The following MTUS2 variants were observed in gnomAD, a reference collection of about 807,000 sequenced individuals.
MTUS2 encodes the protein microtubule associated scaffold protein 2, also known as microtubule-associated tumor suppressor candidate 2.
MTUS2 carries 40 observed loss-of-function variants against 114.1 expected under a neutral mutation model. That is an observed-to-expected ratio of 0.35 (90% CI 0.27 to 0.46). The LOEUF (loss-of-function observed/expected upper bound fraction) is 0.46. MTUS2 is among the 20% of genes least tolerant of loss of function. MTUS2 has a pLI of 1.00. For missense variants in MTUS2, 1,679 were observed against 1,705.4 expected (o/e 0.98, Z 0.27); for synonymous variants, 688 against 672.0 (o/e 1.02, Z -0.37).
chr13:29,316,478 C>T (rs574991384), intron 6 of MTUS2, among the ~76,000 whole-genome samples: 7 of 152,134 alleles, frequency 4.6e-5, no homozygotes, highest in Admixed American at 6.5e-5. Flanking sequence ...TCTTAGTCAC[C>T]GCCTTCCTGC....
chr13:29,187,520 A>G (rs1349361866), intron 5 of MTUS2, among the ~76,000 whole-genome samples: 1 of 152,182 alleles, frequency 6.6e-6, no homozygotes, highest in Admixed American at 6.5e-5. Flanking sequence ...CTAGGAAGAA[A>G]ACTGTTTTGA....
chr13:28,985,930 C>T (rs966644361), intron 2 of MTUS2, among the ~76,000 whole-genome samples: 11 of 152,128 alleles, frequency 7.2e-5, no homozygotes, highest in African/African-American at 2.7e-4. Context: ...GATGGCCCAC[C>T]CTGCAGCTTT....
chr13:28,988,895 G>A (rs1053729400), intron 2 of MTUS2, among the ~76,000 whole-genome samples: 1 of 152,118 alleles, frequency 6.6e-6, no homozygotes, highest in Non-Finnish European at 1.5e-5. Context: ...AGTGATGTAA[G>A]CTCATGTCTA....
rs532115395 is a variant in MTUS2 at position 29,291,228 on chromosome 13, C to T, written c.2806+9363C>T. Among the ~76,000 whole-genome samples the T allele has an allele frequency of 6.6e-5, 10 of 152,218 alleles. No homozygotes were observed. In the South Asian group the frequency reaches 1.5e-3, roughly 22 times the overall value. ...CCCCAGCGCACCTCTCTCCTAGTTTCGTCTCTCCACTGTTGTTAACCCTGT... is the reference window on the plus strand; with the variant it reads ...CCCCAGCGCACCTCTCTCCTAGTTTTGTCTCTCCACTGTTGTTAACCCTGT... On this transcript the variant is annotated intron_variant, in intron 6 of 15. Transcript: ENST00000612955.
intron 3 of MTUS2, among the ~76,000 whole-genome samples, chr13:29,027,951 G>C (rs1386947694): frequency 6.6e-6 from 1 of 152,228 alleles, no homozygotes; most frequent in Non-Finnish European, 1.5e-5. Context: ...TGCAGTTTCA[G>C]ACTGCACTGT....
At chr13:29,198,741 A>G (rs1407676030) in intron 5 of MTUS2, among the ~76,000 whole-genome samples, 4 of 151,840 alleles carry the variant, frequency 2.6e-5, no homozygotes, top group African/African-American at 9.7e-5. Flanking sequence ...CTCTCATTTC[A>G]TTGAGCAGTG....
chr13:29,130,570 C>T (rs1256305619), intron 5 of MTUS2, among the ~76,000 whole-genome samples: 1 of 152,174 alleles, frequency 6.6e-6, no homozygotes, highest in Non-Finnish European at 1.5e-5. Flanking sequence ...TTGCACTTTT[C>T]ACCTCTAGCA....
At chr13:28,974,563 A>G (rs1282339851) in intron 2 of MTUS2, among the ~76,000 whole-genome samples, 2 of 152,134 alleles carry the variant, frequency 1.3e-5, no homozygotes, top group African/African-American at 2.4e-5. Context: ...TCTGAATAAT[A>G]CTCATTTGTC....
chr13:28,829,790 C>G (rs750184701), intron 1 of MTUS2, among the ~76,000 whole-genome samples: 1 of 152,180 alleles, frequency 6.6e-6, no homozygotes, highest in Non-Finnish European at 1.5e-5. Context: ...AACCAAAAAA[C>G]TTAAAAGGAA....
chr13:29,103,105 A>G (rs924153810), intron 5 of MTUS2, among the ~76,000 whole-genome samples: 2 of 152,122 alleles, frequency 1.3e-5, no homozygotes, highest in Non-Finnish European at 2.9e-5. Flanking sequence ...TTATTTTCAC[A>G]TAGGATTCAT....
chr13:28,828,684 C>T (rs190545008), intron 1 of MTUS2, among the ~76,000 whole-genome samples: 150 of 152,236 alleles, frequency 9.9e-4, no homozygotes, highest in African/African-American at 3.5e-3. Context: ...GCTAGTTGAG[C>T]ACTTGCCTCA....
intron 2 of MTUS2, among the ~76,000 whole-genome samples, chr13:28,991,704 A>G (rs982352034): frequency 2.6e-5 from 4 of 152,070 alleles, no homozygotes; most frequent in African/African-American, 7.2e-5. Context: ...TTTAATTTAG[A>G]CTGTGAGCCT....
intron 5 of MTUS2, among the ~76,000 whole-genome samples, chr13:29,171,966 G>T (rs77414424): frequency 0.013 from 1,934 of 152,280 alleles, 39 homozygotes; most frequent in African/African-American, 0.044. Context: ...CCATCTAGCC[G>T]CAGGGAAGGC....
In MTUS2 at chr13:29,327,354, C is replaced by A. The variant is rs567798839; in HGVS notation, c.2905+2643C>A. 1.1e-4 allele frequency among the ~76,000 whole-genome samples: 16 copies of A among 152,248 alleles called. No homozygotes were observed. The East Asian group carries it at 2.1e-3, about 20-fold the overall frequency. On this transcript the variant is annotated intron_variant, in intron 7 of 15. Transcript: ENST00000612955. ...GCAAGATAACACACATGTCCACCAACCTTCCAAGTTTCCTGGGACCCCTTT... is the reference window on the plus strand; with the variant it reads ...GCAAGATAACACACATGTCCACCAAACTTCCAAGTTTCCTGGGACCCCTTT...
chr13:29,366,505 C>T (rs886837735), intron 8 of MTUS2, among the ~76,000 whole-genome samples: 9 of 152,080 alleles, frequency 5.9e-5, no homozygotes, highest in East Asian at 1.9e-4. Context: ...AATCATCGCC[C>T]GCTAGCTCAG....
In MTUS2 at chr13:28,952,011, T is replaced by C. The variant is rs1165503283; in HGVS notation, c.-242-72446T>C. The stretch of plus-strand genomic sequence containing the variant: ...AGCATGCCCGCATAACCCATCTTTG[T>C]GTGGAAGTGCACCAGTGGCAAATGC... On this transcript the variant is annotated intron_variant, in intron 2 of 15. Transcript: ENST00000612955. 2.0e-5 allele frequency among the ~76,000 whole-genome samples: 3 copies of C among 152,136 alleles called. No individual in the cohort carries two copies. The East Asian group carries it at 5.8e-4, about 29-fold the overall frequency.
At chr13:29,062,667 A>C (rs1888476797) in intron 4 of MTUS2, among the ~76,000 whole-genome samples, 1 of 152,098 alleles carries the variant, frequency 6.6e-6, no homozygotes, top group Non-Finnish European at 1.5e-5. Flanking sequence ...GCTGTGACTT[A>C]GATATCGGGA....
At position 29,315,939 on chromosome 13, in the gene MTUS2, G is replaced by C. The variant is rs565503325; in HGVS notation, c.2807-8674G>C. On this transcript the variant is annotated intron_variant, in intron 6 of 15. Coordinates refer to ENST00000612955, the MANE Select transcript of MTUS2 (RefSeq NM_001033602.4). The stretch of plus-strand genomic sequence containing the variant: ...GAGGCGAAGTTTAAGGTGATGACAA[G>C]GTCCATGGTGATGCCCAGGGTCTTG... Among the ~76,000 whole-genome samples the C allele has an allele frequency of 2.6e-5, 4 of 152,260 alleles. No individual in the cohort carries two copies. The East Asian group carries it at 7.7e-4, about 29-fold the overall frequency.
intron 5 of MTUS2, among the ~76,000 whole-genome samples, chr13:29,228,444 C>A (rs1479805460): frequency 6.6e-6 from 1 of 152,138 alleles, no homozygotes; most frequent in Non-Finnish European, 1.5e-5. Flanking sequence ...TCTCAGCTTC[C>A]TAAGTAGCTG....
Sources: gnomAD v4.1 joint callset for allele counts (sites outside exome capture counted in the v4.1 genomes callset) on GRCh38, gnomAD v4.1.1 for gene constraint, MANE v1.5 for transcripts, NCBI Gene and HGNC (gene_info 2026-07-23, HGNC 2026-07-21) for gene names.